PCDHA8: variants seen among roughly 807,000 people sequenced by gnomAD.
PCDHA8 encodes the protein protocadherin alpha 8.
PCDHA8 carries 53 observed loss-of-function variants against 61.8 expected under a neutral mutation model. The observed-to-expected ratio is 0.86, with a 90% CI of 0.69 to 1.08. The LOEUF (loss-of-function observed/expected upper bound fraction) is 1.08, where lower values mean the gene tolerates loss of function less well. Ranked by LOEUF, PCDHA8 falls within the 50% of genes least tolerant of loss-of-function variation. PCDHA8 has a pLI of 0.00. For missense variants in PCDHA8, 1,293 were observed against 1,245.0 expected, an observed-to-expected ratio of 1.04 and a Z score of -0.58; for synonymous variants, 618 against 556.6, an observed-to-expected ratio of 1.11 and a Z score of -1.55.
chr5:140,886,698 C>G (rs578140955), intron 1 of PCDHA8, among the ~76,000 whole-genome samples: 3 of 151,820 alleles, frequency 2.0e-5, no homozygotes, highest in Non-Finnish European at 4.4e-5. Flanking sequence ...TGGTGGCACG[C>G]GCCTGTAATC....
chr5:140,845,159 A>G (rs1332368561), intron 1 of PCDHA8, among the ~76,000 whole-genome samples: 4 of 149,530 alleles, frequency 2.7e-5, no homozygotes, highest in Non-Finnish European at 1.5e-5. Context: ...TGTAAAAGCG[A>G]ATTGTTTTCA....
chr5:140,879,051 T>A (rs1446827922), intron 1 of PCDHA8, among the ~76,000 whole-genome samples: 1 of 152,166 alleles, frequency 6.6e-6, no homozygotes, highest in Non-Finnish European at 1.5e-5. Flanking sequence ...ATAGACAACA[T>A]TTTACCAAGA....
chr5:141,010,470 G>A lies in PCDHA8; in HGVS notation c.*533G>A. ...ACAGCGGAAGTTATCAGTATGGAGG[G>A]GAAGTGTAAACTTAAAGGGACCAGA... On this transcript the variant is annotated 3_prime_UTR_variant, in exon 4 of 4. Transcript: ENST00000531613. The A allele has an allele frequency of 2.6e-6, 2 of 780,290 alleles. No homozygotes were observed. The highest frequency in any genetic ancestry group is 3.0e-5 in the East Asian group (1 of 33,872). 48.3% of individuals were successfully genotyped at this position (780,290 alleles called of 1,614,324 possible).
Position 140,876,851 on chromosome 5 carries a change from A to G in PCDHA8, c.2394+33136A>G, listed in dbSNP as rs1554169034. ...GCGCCTGCGTTCGCGCAGCCCGAGT[A>G]CACAGTGTTCGTGAAGGAGAACAAC... On this transcript the variant is annotated intron_variant, in intron 1 of 3. Coordinates refer to ENST00000531613, the MANE Select transcript of PCDHA8 (RefSeq NM_018911.3). The G allele has an allele frequency of 5.0e-6, 8 of 1,613,986 alleles. No individual in the cohort carries two copies. In the Admixed American group the frequency reaches 1.3e-4, roughly 27 times the overall value.
At chr5:140,850,264 T>A in intron 1 of PCDHA8, 1 of 1,594,136 alleles carries the variant, frequency 6.3e-7, no homozygotes, top group Non-Finnish European at 8.6e-7. Flanking sequence ...GCCGGCGTAG[T>A]GGTGGGGAAG....
intron 1 of PCDHA8, chr5:140,877,256 G>A (rs782364296): frequency 6.2e-7 from 1 of 1,613,628 alleles, no homozygotes; most frequent in African/African-American, 1.3e-5. Flanking sequence ...GCGAAAGTGC[G>A]CGCGGTGGAC....
intron 1 of PCDHA8, chr5:140,969,448 G>C (rs781843317): frequency 2.0e-6 from 3 of 1,537,944 alleles, no homozygotes; most frequent in Non-Finnish European, 2.6e-6. Flanking sequence ...CTGGTAAACT[G>C]AGTATATATA....
At chr5:141,007,476 G>A (rs1412241964) in intron 3 of PCDHA8, among the ~76,000 whole-genome samples, 1 of 151,712 alleles carries the variant, frequency 6.6e-6, no homozygotes, top group Non-Finnish European at 1.5e-5. Context: ...GCTGAGGCAC[G>A]AGAATTACTT....
At chr5:140,869,861 AAAATGCTGCT>A in intron 1 of PCDHA8, 1 of 1,610,746 alleles carries the variant, frequency 6.2e-7, no homozygotes, top group Admixed American at 1.7e-5. Flanking sequence ...AGCCTTATGG[AAAATGCTGCT>A]AAAGAAACTC....
At chr5:140,863,157 C>A (rs782159779) in intron 1 of PCDHA8, 7 of 638,840 alleles carry the variant, frequency 1.1e-5, no homozygotes, top group South Asian at 5.4e-5. Flanking sequence ...AGGACCACTG[C>A]GAGCTGGCGC....
chr5:140,914,022 C>T (rs1157309436), intron 1 of PCDHA8, among the ~76,000 whole-genome samples: 2 of 152,134 alleles, frequency 1.3e-5, no homozygotes, highest in African/African-American at 2.4e-5. Context: ...GAATGATCCA[C>T]GTGCTGAGAA....
At chr5:140,850,645 T>G in intron 1 of PCDHA8, 1 of 1,598,542 alleles carries the variant, frequency 6.3e-7, no homozygotes. Flanking sequence ...ACGCTGCTGC[T>G]GTACACTGTG....
intron 1 of PCDHA8, chr5:140,859,217 C>T (rs1409192343): frequency 6.7e-6 from 1 of 149,754 alleles, no homozygotes; most frequent in South Asian, 2.1e-4. Context: ...AGCTCTTTCA[C>T]TTTAAGGAAG....
chr5:140,975,514 C>T (rs549258421), intron 1 of PCDHA8, among the ~76,000 whole-genome samples: 2 of 152,304 alleles, frequency 1.3e-5, no homozygotes, highest in African/African-American at 4.8e-5. Flanking sequence ...TATGCAAAAT[C>T]TGCAGTGGAT....
chr5:140,978,890 A>G (rs2096827624), intron 1 of PCDHA8, 59 bp from the exon 2 acceptor site: 1 of 1,612,616 alleles, frequency 6.2e-7, no homozygotes. Context: ...AATTAGCAGC[A>G]TTCCTGGGAG....
At position 140,856,418 on chromosome 5, in the gene PCDHA8, G is replaced by A. The variant is rs782470045; in HGVS notation, c.2394+12703G>A. 17 of 1,598,338 alleles carry A rather than the reference G, an allele frequency of 1.1e-5. 1 individual carries two copies. The Admixed American group carries it at 1.2e-4, about 11-fold the overall frequency. On this transcript the variant is annotated intron_variant, in intron 1 of 3. Transcript: ENST00000531613. ...TTTCCATGTGGACGTGGAAGTGAAGGACATTAACGACAACCCGCCCAGGTT... is the reference window on the plus strand; with the variant it reads ...TTTCCATGTGGACGTGGAAGTGAAGAACATTAACGACAACCCGCCCAGGTT...
intron 1 of PCDHA8, among the ~76,000 whole-genome samples, chr5:140,946,042 C>T (rs967126849): frequency 4.6e-4 from 70 of 152,118 alleles, no homozygotes; most frequent in African/African-American, 1.6e-3. Flanking sequence ...AGTGAAGGGA[C>T]AATCCACAGA....
chr5:140,972,359 A>T (rs1466504264), intron 1 of PCDHA8, among the ~76,000 whole-genome samples: 3 of 151,418 alleles, frequency 2.0e-5, no homozygotes, highest in Non-Finnish European at 4.4e-5. Flanking sequence ...TATGTTGCAC[A>T]TGCTGTTAGT....
chr5:140,857,354 G>A lies in PCDHA8; in HGVS notation c.2394+13639G>A, dbSNP rs1449369579. 2.5e-6 allele frequency: 4 copies of A among 1,598,262 alleles called. No homozygotes were observed. In the African/African-American group the frequency reaches 5.4e-5, roughly 22 times the overall value. ...GGACGGGGGCTCGCCTCCGCTGTGG[G>A]CCACGGCCAGCGTGTCTGTGGAGGT... On this transcript the variant is annotated intron_variant, in intron 1 of 3. Transcript: ENST00000531613.
Sources: allele counts gnomAD v4.1 joint callset (sites outside exome capture counted in the v4.1 genomes callset), GRCh38; gene constraint gnomAD v4.1.1; transcripts MANE v1.5; gene names NCBI Gene and HGNC (gene_info 2026-07-23, HGNC 2026-07-21).